CLCF1: variants seen among roughly 807,000 people sequenced by gnomAD.
CLCF1 encodes the protein cardiotrophin-like cytokine factor 1.
In CLCF1, 10 loss-of-function variants were observed where a neutral mutation model predicts 21.2. That is an observed-to-expected ratio of 0.47 (90% CI 0.29 to 0.80). The LOEUF is 0.80. Among genes scored for constraint, CLCF1 ranks in the 30% least tolerant of loss-of-function variants. The pLI is 0.09. For synonymous variants in CLCF1, 115 were observed against 120.5 expected (o/e 0.95, Z 0.30); for missense variants, 240 against 293.4 (o/e 0.82, Z 1.33).
chr11:67,370,373 T>G (rs1426062842), intron 1 of CLCF1: 1 of 983,848 alleles, frequency 1.0e-6, no homozygotes, highest in Admixed American at 6.2e-5. Flanking sequence ...GTGTCCTAGG[T>G]CCCCCTCTCC....
rs1171107753 is a variant in CLCF1 at position 67,365,764 on chromosome 11, G to C, written c.184-134C>G. On this transcript the variant is annotated intron_variant, in intron 2 of 2. Transcript: ENST00000312438. The surrounding 1 kb of genome is among the most constrained non-coding windows in gnomAD (Gnocchi z 5.0). ...CCCTGTCTCCATGCTAGGCTTCTTTGTTCATGGCCTCCCTGAGTTTTTCCA... is the reference window on the plus strand; with the variant it reads ...CCCTGTCTCCATGCTAGGCTTCTTTCTTCATGGCCTCCCTGAGTTTTTCCA... 5 of 1,328,110 alleles carry C rather than the reference G, an allele frequency of 3.8e-6. No homozygotes were observed. Among genetic ancestry groups the C allele is most frequent in the African/African-American group, 1.5e-5 (1 of 67,832 alleles). The allele number at this position is 1,328,110 out of a possible 1,614,324, so 82.3% of individuals were successfully genotyped here.
intron 1 of CLCF1, chr11:67,368,840 G>C: frequency 1.0e-6 from 1 of 984,644 alleles, no homozygotes; most frequent in Non-Finnish European, 1.2e-6. Flanking sequence ...GAAGAGCAGG[G>C]CTAGTTTGGG....
intron 1 of CLCF1, among the ~76,000 whole-genome samples, chr11:67,373,040 A>C (rs1245630996): frequency 7.5e-6 from 1 of 133,796 alleles, no homozygotes; most frequent in Non-Finnish European, 1.6e-5. Flanking sequence ...CCGCCCTCCT[A>C]CCCCTCCCGG....
In CLCF1 at chr11:67,370,815, A is replaced by C. The variant is rs1043292578; in HGVS notation, c.16+2709T>G. 50 of 985,260 alleles carry C rather than the reference A, an allele frequency of 5.1e-5. 1 individual carries two copies. In the South Asian group the frequency reaches 8.9e-4, roughly 18 times the overall value. The allele number at this position is 985,260 out of a possible 1,614,324, so 61.0% of individuals were successfully genotyped here. On this transcript the variant is annotated intron_variant, in intron 1 of 2. Coordinates refer to ENST00000312438, the MANE Select transcript of CLCF1 (RefSeq NM_013246.3). ...GCCATGCAGATGTGCCAGGGTGCTT[A>C]GGGTGGTAGGACAAGTCAATGGGAG...
intron 1 of CLCF1, among the ~76,000 whole-genome samples, chr11:67,373,223 T>C (rs952371655): frequency 6.6e-6 from 1 of 150,858 alleles, no homozygotes; most frequent in Non-Finnish European, 1.5e-5. Context: ...CGCGGGGCTC[T>C]GGGGCTGCGG....
At position 67,365,945 on chromosome 11, in the gene CLCF1, G is replaced by A. The variant is rs545058315; in HGVS notation, c.184-315C>T. ...GTGGGCAAACCTTGGGAGAGTGCCCGCTGTGGGGGCAGGACAGAGAGGAAG... is the reference window on the plus strand; with the variant it reads ...GTGGGCAAACCTTGGGAGAGTGCCCACTGTGGGGGCAGGACAGAGAGGAAG... On this transcript the variant is annotated intron_variant, in intron 2 of 2. Coordinates refer to ENST00000312438, the MANE Select transcript of CLCF1 (RefSeq NM_013246.3). This position sits in a 1 kb window ranked among gnomAD's most constrained non-coding sequence, Gnocchi z 5.0. Among the ~76,000 whole-genome samples the A allele has an allele frequency of 8.5e-5, 13 of 152,298 alleles. No individual in the cohort carries two copies. Among genetic ancestry groups the A allele is most frequent in the South Asian group, 2.1e-4 (1 of 4,822 alleles).
rs1209988862 is a variant in CLCF1 at position 67,372,616 on chromosome 11, CGGCGGG to C, written c.16+902_16+907del. 0.085 allele frequency among the ~76,000 whole-genome samples: 12,408 copies of C among 145,850 alleles called. 722 individuals carry two copies. Among genetic ancestry groups the C allele is most frequent in the African/African-American group, 0.16 (6,260 of 39,418 alleles). On this transcript the variant is annotated intron_variant, in intron 1 of 2. Transcript: ENST00000312438. The surrounding 1 kb of genome is among the most constrained non-coding windows in gnomAD (Gnocchi z 5.9). ...CTCCCGCCCGGTCGCTCCTTCCCCG[CGGCGGG>C]GGCGGGGGCGGGGGCGGGGGCGGGG...
In CLCF1 at chr11:67,364,971, T is replaced by G. The variant is rs1590911866; in HGVS notation, c.*165A>C. On this transcript the variant is annotated 3_prime_UTR_variant, in exon 3 of 3. Transcript: ENST00000312438. ...CCCAGCTCGGTAGACCTTTGGGAGG[T>G]GGGGAGGAGACAGGGCTGATCGCAT... 4.6e-6 allele frequency: 5 copies of G among 1,083,542 alleles called. No homozygotes were observed. The highest frequency in any genetic ancestry group is 1.6e-5 in the South Asian group (1 of 64,310). 67.1% of individuals were successfully genotyped at this position (1,083,542 alleles called of 1,614,324 possible).
chr11:67,371,116 A>C (rs1043338267), intron 1 of CLCF1: 4 of 983,138 alleles, frequency 4.1e-6, no homozygotes, highest in Admixed American at 1.2e-4. Flanking sequence ...TGACGGTAGG[A>C]AACTGCCCCA....
At chr11:67,366,010 G>A (rs1862088911) in intron 2 of CLCF1, among the ~76,000 whole-genome samples, 1 of 152,202 alleles carries the variant, frequency 6.6e-6, no homozygotes, top group Non-Finnish European at 1.5e-5. Context: ...GGTGGCCCAG[G>A]AGAGTGCAGA....
Position 67,365,795 on chromosome 11 carries a change from G to A in CLCF1, c.184-165C>T, listed in dbSNP as rs1862082732. On this transcript the variant is annotated intron_variant, in intron 2 of 2. Transcript: ENST00000312438. The surrounding 1 kb of genome is among the most constrained non-coding windows in gnomAD (Gnocchi z 5.0). The stretch of plus-strand genomic sequence containing the variant: ...GGCCTCCCTGAGTTTTTCCAATAAG[G>A]ATATCATTTGTATGCAGGTGACAGT... Among the ~76,000 whole-genome samples, 1 of 152,198 alleles carries A rather than the reference G, an allele frequency of 6.6e-6. No homozygotes were observed. Among genetic ancestry groups the A allele is most frequent in the African/African-American group, 2.4e-5 (1 of 41,438 alleles).
intron 1 of CLCF1, chr11:67,369,115 G>T (rs1443714975): frequency 1.0e-6 from 1 of 985,082 alleles, no homozygotes; most frequent in East Asian, 1.1e-4. Flanking sequence ...TCACAGTGCT[G>T]GGGCAGTTTT....
Position 67,368,714 on chromosome 11 carries a change from C to T in CLCF1, c.17-1088G>A, listed in dbSNP as rs994660255. 90 of 985,020 alleles carry T rather than the reference C, an allele frequency of 9.1e-5. 1 individual carries two copies. Among genetic ancestry groups the T allele is most frequent in the South Asian group, 5.6e-4 (12 of 21,274 alleles). 61.0% of individuals were successfully genotyped at this position (985,020 alleles called of 1,614,324 possible). On this transcript the variant is annotated intron_variant, in intron 1 of 2. Coordinates refer to ENST00000312438, the MANE Select transcript of CLCF1 (RefSeq NM_013246.3). ...GACTTGGGATTTGGTTGATTTAGTG[C>T]GGTTGAGGTTTGAGTCCAGCAAGGA...
chr11:67,369,346 G>T, intron 1 of CLCF1: 1 of 979,376 alleles, frequency 1.0e-6, no homozygotes, highest in Non-Finnish European at 1.2e-6. Flanking sequence ...ACACGCGTGT[G>T]TTTTAGGACA....
At chr11:67,366,019 G>A (rs1862089399) in intron 2 of CLCF1, among the ~76,000 whole-genome samples, 1 of 152,196 alleles carries the variant, frequency 6.6e-6, no homozygotes, top group African/African-American at 2.4e-5. Context: ...GGAGAGTGCA[G>A]AGACCAAGGA....
chr11:67,373,714 T>TC, upstream of CLCF1: 2 of 259,430 alleles, frequency 7.7e-6, no homozygotes, highest in Non-Finnish European at 1.1e-5. Context: ...TTCTGCAAAC[T>TC]TTTTTTTTTT....
rs1443190066 is a variant in CLCF1 at position 67,367,819 on chromosome 11, G to GT, written c.17-194dup. On this transcript the variant is annotated intron_variant, in intron 1 of 2. Coordinates refer to ENST00000312438, the MANE Select transcript of CLCF1 (RefSeq NM_013246.3). ...GGGAGAGAAAGAGAGGCATGTGTAT[G>GT]TTTGAGGATGAGGACTTGGCACGCA... 9 of 985,338 alleles carry GT rather than the reference G, an allele frequency of 9.1e-6. No individual in the cohort carries two copies. In the East Asian group the frequency reaches 9.1e-4, roughly 99 times the overall value. The allele number at this position is 985,338 out of a possible 1,614,324, so 61.0% of individuals were successfully genotyped here. A position where few individuals can be genotyped will look rare whatever the true frequency, so the allele number is the denominator to read the frequency against.
In CLCF1 at chr11:67,367,644, G is replaced by C. The variant is rs776491928; in HGVS notation, c.17-18C>G. 1.1e-5 allele frequency: 17 copies of C among 1,610,646 alleles called. 1 individual carries two copies. The South Asian group carries it at 1.5e-4, about 15-fold the overall frequency. On this transcript the variant is annotated intron_variant, in intron 1 of 2. Transcript: ENST00000312438. ...CGAGTCCCCTGTGGGCAGGATGGAC[G>C]AGAAGCATGAGCGCGGCCCGGGCCC...
chr11:67,367,800 GAA>G (rs2134883540), intron 1 of CLCF1, 174 bp from the exon 2 acceptor site: 3 of 985,454 alleles, frequency 3.0e-6, no homozygotes, highest in African/African-American at 3.5e-5. Flanking sequence ...AGACGGGAGA[GAA>G]AGAGAGGCAT....
Sources: allele counts gnomAD v4.1 joint callset (sites outside exome capture counted in the v4.1 genomes callset), GRCh38; gene constraint gnomAD v4.1.1; non-coding constraint Gnocchi (gnomAD v3.1); transcripts MANE v1.5; gene names NCBI Gene and HGNC (gene_info 2026-07-23, HGNC 2026-07-21).